ALKAL1: variants seen among roughly 807,000 people sequenced by gnomAD.
ALKAL1 encodes the protein AUG-beta.
Under a neutral mutation model 13.5 loss-of-function variants are expected in ALKAL1, and 23 were observed. The ratio of observed to expected loss-of-function variants is 1.70; its 90% CI spans 1.23 to 2.41. The LOEUF (loss-of-function observed/expected upper bound fraction) is 2.41. ALKAL1 is among the 30% of genes most tolerant of loss of function. The pLI is 0.00. For synonymous variants in ALKAL1, 85 were observed against 77.7 expected, an observed-to-expected ratio of 1.09 and a Z score of -0.49; for missense variants, 181 against 178.4, an observed-to-expected ratio of 1.01 and a Z score of -0.08.
At chr8:52,546,194 G>A (rs1009076860) in intron 1 of ALKAL1, among the ~76,000 whole-genome samples, 2 of 152,228 alleles carry the variant, frequency 1.3e-5, no homozygotes, top group African/African-American at 4.8e-5. Flanking sequence ...ACTGGCCTAT[G>A]CAGGGGCTAG....
chr8:52,540,106 A>G (rs966127522), intron 2 of ALKAL1, among the ~76,000 whole-genome samples, 195 bp from the exon 3 acceptor site: 3 of 152,172 alleles, frequency 2.0e-5, no homozygotes, highest in African/African-American at 7.2e-5. Flanking sequence ...AATAATCTAA[A>G]TTCATTCCAT....
At chr8:52,543,600 A>G (rs1847336189) in intron 1 of ALKAL1, among the ~76,000 whole-genome samples, 1 of 152,246 alleles carries the variant, frequency 6.6e-6, no homozygotes, top group Non-Finnish European at 1.5e-5. Flanking sequence ...TTTACAAACA[A>G]TTAAAACTAA....
At chr8:52,536,398 C>A (rs1847267493) in intron 4 of ALKAL1, among the ~76,000 whole-genome samples, 1 of 152,178 alleles carries the variant, frequency 6.6e-6, no homozygotes, top group Admixed American at 6.5e-5. Flanking sequence ...AAATAAGTAC[C>A]TTTCAGTATT....
At chr8:52,543,570 T>C (rs1563320640) in intron 1 of ALKAL1, among the ~76,000 whole-genome samples, 1 of 152,174 alleles carries the variant, frequency 6.6e-6, no homozygotes, top group Non-Finnish European at 1.5e-5. Flanking sequence ...CCCCCACCAT[T>C]TGACAATGAA....
chr8:52,539,290 T>C (rs1456849882), intron 3 of ALKAL1, among the ~76,000 whole-genome samples: 2 of 152,192 alleles, frequency 1.3e-5, no homozygotes, highest in Admixed American at 6.5e-5. Context: ...AGTCATAATT[T>C]CGGCACTTCA....
intron 2 of ALKAL1, among the ~76,000 whole-genome samples, chr8:52,541,320 A>C (rs1276896638): frequency 6.6e-6 from 1 of 152,126 alleles, no homozygotes; most frequent in African/African-American, 2.4e-5. Context: ...AGAGAAAATA[A>C]AAAATTCGCT....
At chr8:52,536,589 T>C (rs955230626) in intron 4 of ALKAL1, among the ~76,000 whole-genome samples, 4 of 152,244 alleles carry the variant, frequency 2.6e-5, no homozygotes, top group African/African-American at 9.6e-5. Flanking sequence ...ATGTTCATTA[T>C]CTTTTTTATT....
chr8:52,541,903 C>T (rs1470977605), intron 2 of ALKAL1, among the ~76,000 whole-genome samples: 1 of 152,076 alleles, frequency 6.6e-6, no homozygotes, highest in Non-Finnish European at 1.5e-5. Flanking sequence ...CCTAGCATGC[C>T]ACTTAAGATT....
chr8:52,556,018 T>C (rs544182778), intron 1 of ALKAL1, among the ~76,000 whole-genome samples: 35 of 152,302 alleles, frequency 2.3e-4, no homozygotes, highest in Admixed American at 1.2e-3. Flanking sequence ...TCTAGTCACA[T>C]ATATTTTATA....
At chr8:52,555,000 T>C (rs889836396) in intron 1 of ALKAL1, among the ~76,000 whole-genome samples, 2 of 151,736 alleles carry the variant, frequency 1.3e-5, no homozygotes, top group South Asian at 4.1e-4. Flanking sequence ...AGAAACCCCA[T>C]CTCTACTAAA....
intron 1 of ALKAL1, among the ~76,000 whole-genome samples, chr8:52,552,278 C>T (rs766886744): frequency 7.9e-5 from 12 of 152,292 alleles, no homozygotes; most frequent in East Asian, 5.8e-4. Flanking sequence ...GAGGCAAATG[C>T]CATTTTCATC....
At position 52,565,290 on chromosome 8, in the gene ALKAL1, C is replaced by T; in HGVS notation, c.-34G>A. The T allele has an allele frequency of 2.4e-6, 3 of 1,262,726 alleles. No homozygotes were observed. The highest frequency in any genetic ancestry group is 3.0e-6 in the Non-Finnish European group (3 of 986,952). 78.2% of individuals were successfully genotyped at this position (1,262,726 alleles called of 1,614,324 possible). On this transcript the variant is annotated 5_prime_UTR_variant, in exon 1 of 5. Transcript: ENST00000358543. ...GCCGGGAGGAGAGAGCGGGAGACTC[C>T]GGGAGGATCCCGACGCAGGTCCGGA...
chr8:52,557,175 G>A (rs1847493166), intron 1 of ALKAL1, among the ~76,000 whole-genome samples: 1 of 152,178 alleles, frequency 6.6e-6, no homozygotes, highest in Admixed American at 6.5e-5. Flanking sequence ...CAGTCATGAT[G>A]ATATTCATCT....
chr8:52,560,677 A>T (rs934002036), intron 1 of ALKAL1, among the ~76,000 whole-genome samples: 3 of 152,242 alleles, frequency 2.0e-5, no homozygotes, highest in Non-Finnish European at 4.4e-5. Context: ...TAGCAGCTCG[A>T]TAAATAGGCT....
intron 1 of ALKAL1, among the ~76,000 whole-genome samples, chr8:52,542,961 C>T (rs12679089): frequency 6.6e-6 from 1 of 152,210 alleles, no homozygotes; most frequent in African/African-American, 2.4e-5. Flanking sequence ...TTGGCAGTGG[C>T]CTCCTAACCC....
At chr8:52,562,221 A>C (rs1363017052) in intron 1 of ALKAL1, among the ~76,000 whole-genome samples, 1 of 152,176 alleles carries the variant, frequency 6.6e-6, no homozygotes, top group Non-Finnish European at 1.5e-5. Flanking sequence ...CAGGGGCACT[A>C]ATAGAGTTGG....
chr8:52,540,946 C>G (rs1398140245), intron 2 of ALKAL1, among the ~76,000 whole-genome samples: 1 of 152,138 alleles, frequency 6.6e-6, no homozygotes, highest in Non-Finnish European at 1.5e-5. Context: ...TTGGACTTGA[C>G]TAAGTGGGCA....
intron 1 of ALKAL1, among the ~76,000 whole-genome samples, chr8:52,564,534 T>C (rs1847581113): frequency 6.6e-6 from 1 of 152,192 alleles, no homozygotes; most frequent in Non-Finnish European, 1.5e-5. Context: ...AGCAGCCGGC[T>C]GCCCTTCTAA....
In ALKAL1 at chr8:52,556,005, T is replaced by A. The variant is rs73593384; in HGVS notation, c.190+9062A>T. On this transcript the variant is annotated intron_variant, in intron 1 of 4. Transcript: ENST00000358543. ...TGGTGGTAGATCCTGCATGGAATGG[T>A]GATCTAGTCACATATATTTTATATA... Among the ~76,000 whole-genome samples, 843 of 152,288 alleles carry A rather than the reference T, an allele frequency of 5.5e-3. 9 individuals are homozygous for A. The highest frequency in any genetic ancestry group is 0.019 in the African/African-American group (808 of 41,560).
Sources: gnomAD v4.1 joint callset for allele counts (sites outside exome capture counted in the v4.1 genomes callset) on GRCh38, gnomAD v4.1.1 for gene constraint, MANE v1.5 for transcripts, NCBI Gene and HGNC (gene_info 2026-07-23, HGNC 2026-07-21) for gene names.